TRAK1: variants seen among roughly 807,000 people sequenced by gnomAD.
TRAK1 encodes the protein trafficking kinesin-binding protein 1.
TRAK1 carries 33 observed loss-of-function variants against 92.1 expected under a neutral mutation model. The ratio of observed to expected loss-of-function variants is 0.36; its 90% CI spans 0.27 to 0.48. The LOEUF is 0.48. Ranked by LOEUF, TRAK1 falls within the 20% of genes least tolerant of loss-of-function variation. TRAK1 has a pLI of 0.99. For missense variants in TRAK1, 1,123 were observed against 1,257.9 expected (o/e 0.89, Z 1.62); for synonymous variants, 521 against 517.3 (o/e 1.01, Z -0.10).
rs372427225 is a variant in TRAK1 at position 42,202,782 on chromosome 3, G to A, written c.1744+30G>A. 3.1e-6 allele frequency: 5 copies of A among 1,611,128 alleles called. No individual in the cohort carries two copies. The African/African-American group carries it at 6.7e-5, about 22-fold the overall frequency. ...TCACGCGGGGCCTCGGCCCCTCTCT[G>A]TCCTCCTGGGGGACTCCCTTTGGTC... On this transcript the variant is annotated intron_variant, in intron 13 of 15. Transcript: ENST00000327628. This position sits in a 1 kb window ranked among gnomAD's most constrained non-coding sequence, Gnocchi z 6.1.
At chr3:42,193,012 C>T in intron 7 of TRAK1, 63 bp from the exon 8 acceptor site, 1 of 1,584,400 alleles carries the variant, frequency 6.3e-7, no homozygotes, top group East Asian at 2.3e-5. Flanking sequence ...AGAAACCATT[C>T]TCTCTGGGTC....
intron 1 of TRAK1, among the ~76,000 whole-genome samples, chr3:42,022,037 G>A (rs571573885): frequency 1.3e-5 from 2 of 152,190 alleles, no homozygotes; most frequent in African/African-American, 4.8e-5. Context: ...AGGGTGGGGT[G>A]TGCCCTGGAC....
chr3:42,039,054 C>T lies in TRAK1; in HGVS notation c.-519+24937C>T, dbSNP rs370947404. Among the ~76,000 whole-genome samples the T allele has an allele frequency of 1.8e-3, 269 of 152,140 alleles. 2 individuals carry two copies. The highest frequency in any genetic ancestry group is 6.1e-3 in the African/African-American group (252 of 41,500). ...CATTTTATCCCACGTAAAACATAAT[C>T]CCATTCTCATTAGCAGTCAATAGTC... On this transcript the variant is annotated intron_variant, in intron 1 of 16. Coordinates refer to the TRAK1 transcript ENST00000487159.
intron 4 of TRAK1, among the ~76,000 whole-genome samples, chr3:42,185,285 T>C (rs9311306): frequency 0.77 from 116,853 of 152,148 alleles, 45,184 homozygotes; most frequent in East Asian, 0.99. Flanking sequence ...AGGAAAGTGG[T>C]GACTCACATT....
intron 1 of TRAK1, among the ~76,000 whole-genome samples, chr3:42,034,994 A>T (rs988977825): frequency 2.6e-5 from 4 of 152,106 alleles, no homozygotes; most frequent in African/African-American, 9.7e-5. Flanking sequence ...CCCTGCAGCC[A>T]TTGCTCTTCT....
intron 2 of TRAK1, among the ~76,000 whole-genome samples, chr3:42,132,246 T>G (rs77387788): frequency 2.5e-5 from 1 of 39,418 alleles, no homozygotes; most frequent in Non-Finnish European, 5.9e-5. Context: ...TGTTTTTTGT[T>G]TTTTTTTTTT....
At chr3:42,057,086 G>T (rs1703232350) in intron 1 of TRAK1, among the ~76,000 whole-genome samples, 1 of 152,174 alleles carries the variant, frequency 6.6e-6, no homozygotes, top group Admixed American at 6.5e-5. Flanking sequence ...CTCCTGGCTG[G>T]CAGTGATCAT....
intron 1 of TRAK1, among the ~76,000 whole-genome samples, chr3:42,093,851 C>T (rs1351889034): frequency 1.3e-5 from 2 of 150,974 alleles, no homozygotes; most frequent in African/African-American, 2.4e-5. Flanking sequence ...TACAGGCATG[C>T]GCCACCACGC....
At chr3:42,029,724 A>G (rs577123298) in intron 1 of TRAK1, among the ~76,000 whole-genome samples, 1 of 151,858 alleles carries the variant, frequency 6.6e-6, no homozygotes, top group East Asian at 2.0e-4. Context: ...TAATTTTTGT[A>G]TTTTTAGTAG....
chr3:42,190,795 T>TCCTCCCTC (rs914302564), intron 6 of TRAK1, among the ~76,000 whole-genome samples: 2 of 151,504 alleles, frequency 1.3e-5, no homozygotes, highest in Admixed American at 1.3e-4. Flanking sequence ...CTCTCTCCCT[T>TCCTCCCTC]CCTCCCTCCC....
At chr3:42,080,896 A>C (rs866624108) in intron 1 of TRAK1, among the ~76,000 whole-genome samples, 3 of 151,390 alleles carry the variant, frequency 2.0e-5, no homozygotes, top group African/African-American at 7.3e-5. Flanking sequence ...TTTTTTTGAG[A>C]TAGGATCTCA....
intron 1 of TRAK1, among the ~76,000 whole-genome samples, chr3:42,028,360 A>AC (rs1701996692): frequency 6.6e-6 from 1 of 152,164 alleles, no homozygotes; most frequent in Non-Finnish European, 1.5e-5. Flanking sequence ...GGAGCTGGAG[A>AC]CCCACTTAGA....
At chr3:42,061,209 G>A (rs145084834) in intron 1 of TRAK1, among the ~76,000 whole-genome samples, 13 of 152,044 alleles carry the variant, frequency 8.6e-5, no homozygotes, top group Admixed American at 2.6e-4. Flanking sequence ...AACATCTTAC[G>A]TAACCATTGA....
chr3:42,048,546 T>C (rs1387753995), intron 1 of TRAK1, among the ~76,000 whole-genome samples: 1 of 149,072 alleles, frequency 6.7e-6, no homozygotes, highest in East Asian at 2.6e-4. Flanking sequence ...ACAGTTCTTT[T>C]TTTCCTCTAC....
At chr3:42,062,110 ACAG>A (rs928877401) in intron 1 of TRAK1, among the ~76,000 whole-genome samples, 61 of 152,348 alleles carry the variant, frequency 4.0e-4, no homozygotes, top group African/African-American at 1.5e-3. Context: ...CAGGAATCCT[ACAG>A]CAGACAAGAT....
chr3:42,212,594 A>G, intron 14 of TRAK1: 3 of 952,456 alleles, frequency 3.1e-6, no homozygotes, highest in Non-Finnish European at 3.8e-6. Flanking sequence ...TAAATAATTT[A>G]GATGATTAAA....
chr3:42,210,279 A>AT, intron 14 of TRAK1: 1 of 1,519,240 alleles, frequency 6.6e-7, no homozygotes, highest in Non-Finnish European at 8.8e-7. Context: ...TTCTCATTGC[A>AT]CAGTTCTGTT....
chr3:42,122,583 T>G (rs963025880), intron 1 of TRAK1, among the ~76,000 whole-genome samples: 10 of 152,200 alleles, frequency 6.6e-5, no homozygotes, highest in Non-Finnish European at 1.5e-4. Context: ...CCATGTTCCC[T>G]CAGTTACATG....
At chr3:42,130,730 C>T (rs1394770513) in intron 2 of TRAK1, among the ~76,000 whole-genome samples, 1 of 152,078 alleles carries the variant, frequency 6.6e-6, no homozygotes, top group Non-Finnish European at 1.5e-5. Flanking sequence ...GGTCTGGGAA[C>T]CTGCATATTA....
Sources: gnomAD v4.1 joint callset for allele counts (sites outside exome capture counted in the v4.1 genomes callset) on GRCh38, gnomAD v4.1.1 for gene constraint, Gnocchi (gnomAD v3.1) non-coding constraint, MANE v1.5 for transcripts, NCBI Gene and HGNC (gene_info 2026-07-23, HGNC 2026-07-21) for gene names.